The following FER variants were observed in gnomAD, a reference collection of about 807,000 sequenced individuals.
FER encodes the protein tyrosine-protein kinase Fer.
In FER, 63 loss-of-function variants were observed where a neutral mutation model predicts 111.0. That is an observed-to-expected ratio of 0.57 (90% CI 0.46 to 0.70). FER has a LOEUF of 0.70. Ranked by LOEUF, FER falls within the 30% of genes least tolerant of loss-of-function variation. The pLI, the probability that FER is intolerant of heterozygous loss-of-function variation, is 0.00. For missense variants in FER, 914 were observed against 954.0 expected (o/e 0.96, Z 0.55); for synonymous variants, 327 against 313.9 (o/e 1.04, Z -0.44).
chr5:108,831,310 C>T lies in FER; in HGVS notation c.208-1460C>T, dbSNP rs189579674. Reference sequence around the variant, plus strand: ...TCTACACATGCCATAGAATATTTCTCCAACACTGCATAGTTTGAAGTGAAA... The same window carrying T: ...TCTACACATGCCATAGAATATTTCTTCAACACTGCATAGTTTGAAGTGAAA... On this transcript the variant is annotated intron_variant, in intron 3 of 19. Coordinates refer to ENST00000281092, the MANE Select transcript of FER (RefSeq NM_005246.4). Among the ~76,000 whole-genome samples, 316 of 151,992 alleles carry T rather than the reference C, an allele frequency of 2.1e-3. 4 individuals carry two copies. The highest frequency in any genetic ancestry group is 7.0e-3 in the African/African-American group (292 of 41,462).
At chr5:109,084,599 AT>A (rs150689060) in intron 16 of FER, among the ~76,000 whole-genome samples, 16,045 of 151,916 alleles carry the variant, frequency 0.11, 839 homozygotes, top group Non-Finnish European at 0.12. Flanking sequence ...CTTTAAAAAA[AT>A]ATTTTTGGAT....
chr5:108,907,131 A>G (rs770780802), intron 10 of FER, among the ~76,000 whole-genome samples: 2 of 152,202 alleles, frequency 1.3e-5, no homozygotes, highest in African/African-American at 2.4e-5. Context: ...AAAACAATAT[A>G]CAGCTCCAGA....
chr5:108,932,143 G>A (rs1483290630), intron 10 of FER, among the ~76,000 whole-genome samples: 1 of 151,944 alleles, frequency 6.6e-6, no homozygotes, highest in Non-Finnish European at 1.5e-5. Flanking sequence ...TCTACATTAG[G>A]TATTTCTCCT....
chr5:108,779,587 A>G (rs1753832620), intron 2 of FER, among the ~76,000 whole-genome samples: 1 of 152,276 alleles, frequency 6.6e-6, no homozygotes, highest in Middle Eastern at 3.4e-3. Flanking sequence ...TTCAAATTGT[A>G]CTTGTTCATT....
chr5:108,969,532 T>A (rs974071609), intron 13 of FER, among the ~76,000 whole-genome samples: 5 of 152,092 alleles, frequency 3.3e-5, no homozygotes, highest in Non-Finnish European at 7.4e-5. Context: ...AATAACAGAT[T>A]ACATGTTTGG....
At chr5:108,779,320 A>C (rs7728920) in intron 2 of FER, among the ~76,000 whole-genome samples, 36,338 of 152,004 alleles carry the variant, frequency 0.24, 4,606 homozygotes, top group African/African-American at 0.32. Context: ...TTACTGATCT[A>C]CACAAAATAA....
At chr5:109,012,985 C>T (rs1415219931) in intron 13 of FER, among the ~76,000 whole-genome samples, 6 of 148,152 alleles carry the variant, frequency 4.0e-5, no homozygotes, top group African/African-American at 1.3e-4. Context: ...ACGTGTGGAG[C>T]GGAATTACCT....
In FER at chr5:109,100,650, A is replaced by G. The variant is rs1582029854; in HGVS notation, c.2048+131A>G. 5 of 905,908 alleles carry G rather than the reference A, an allele frequency of 5.5e-6. No individual in the cohort carries two copies. In the East Asian group the frequency reaches 1.3e-4, roughly 24 times the overall value. 56.1% of individuals were successfully genotyped at this position (905,908 alleles called of 1,614,324 possible). ...TTCTTGTTTTCTGTATTTTGTGTGA[A>G]AGTGTCCTCTGCTAGTTGTTTATAT... On this transcript the variant is annotated intron_variant, in intron 17 of 19. Transcript: ENST00000281092.
chr5:108,992,731 C>T (rs1284980387), intron 13 of FER, among the ~76,000 whole-genome samples: 1 of 151,950 alleles, frequency 6.6e-6, no homozygotes, highest in African/African-American at 2.4e-5. Flanking sequence ...AGACGCTCCT[C>T]ACTTCCCAGA....
chr5:108,951,574 T>C (rs1051761425), intron 11 of FER, among the ~76,000 whole-genome samples: 4 of 152,228 alleles, frequency 2.6e-5, no homozygotes, highest in South Asian at 2.1e-4. Flanking sequence ...TGTTAATAAC[T>C]AAATTTACAT....
At chr5:109,015,759 T>A (rs770467250) in intron 13 of FER, among the ~76,000 whole-genome samples, 3 of 152,110 alleles carry the variant, frequency 2.0e-5, no homozygotes, top group Non-Finnish European at 4.4e-5. Flanking sequence ...TTTCTTAGTG[T>A]AAATTAAGCC....
At chr5:108,937,969 G>C (rs1755714701) in intron 10 of FER, among the ~76,000 whole-genome samples, 1 of 150,306 alleles carries the variant, frequency 6.7e-6, no homozygotes, top group Non-Finnish European at 1.5e-5. Context: ...TCTTTCTTCT[G>C]CTCTTTCCTT....
intron 11 of FER, among the ~76,000 whole-genome samples, chr5:108,950,151 G>T (rs192699404): frequency 6.6e-6 from 1 of 152,082 alleles, no homozygotes; most frequent in Non-Finnish European, 1.5e-5. Context: ...GTACAAAAAG[G>T]CCAGGAAATG....
At chr5:108,805,174 A>G (rs576358929) in intron 3 of FER, among the ~76,000 whole-genome samples, 2 of 152,078 alleles carry the variant, frequency 1.3e-5, no homozygotes. Flanking sequence ...TGTTCTCGTG[A>G]TAGTGAATGA....
intron 13 of FER, among the ~76,000 whole-genome samples, chr5:108,988,665 T>C (rs868241905): frequency 5.9e-5 from 9 of 152,146 alleles, no homozygotes; most frequent in African/African-American, 2.2e-4. Context: ...CTTATTTGGA[T>C]CTTCTTTCTT....
At position 109,091,326 on chromosome 5, in the gene FER, C is replaced by T. The variant is rs375481422; in HGVS notation, c.1925-9070C>T. Among the ~76,000 whole-genome samples, 6 of 152,186 alleles carry T rather than the reference C, an allele frequency of 3.9e-5. No homozygotes were observed. The East Asian group carries it at 7.7e-4, about 20-fold the overall frequency. On this transcript the variant is annotated intron_variant, in intron 16 of 19. Transcript: ENST00000281092. Reference sequence around the variant, plus strand: ...ATCCTGGTGTAGTGTTCCTTGGTCACCCCAGATATGGCTCCTGTGGGCCCA... The same window carrying T: ...ATCCTGGTGTAGTGTTCCTTGGTCATCCCAGATATGGCTCCTGTGGGCCCA...
At chr5:109,173,468 C>T (rs1582385993) in intron 17 of FER, among the ~76,000 whole-genome samples, 1 of 152,228 alleles carries the variant, frequency 6.6e-6, no homozygotes. Flanking sequence ...AGAATAAATA[C>T]AGCAGGGCTT....
In FER at chr5:108,896,162, CT is replaced by C. The variant is rs573033735; in HGVS notation, c.1047-1487del. Among the ~76,000 whole-genome samples, 1,048 of 148,084 alleles carry C rather than the reference CT, an allele frequency of 7.1e-3. 7 individuals carry two copies. The highest frequency in any genetic ancestry group is 0.024 in the African/African-American group (974 of 40,574). On this transcript the variant is annotated intron_variant, in intron 9 of 19. Coordinates refer to ENST00000281092, the MANE Select transcript of FER (RefSeq NM_005246.4). ...CTTATATTGTTGTCATTGTTGGAGT[CT>C]TTTTTTTTTCTTGGTAGCTAGGAGA...
chr5:108,984,468 A>C (rs914460055), intron 13 of FER, among the ~76,000 whole-genome samples: 1 of 152,174 alleles, frequency 6.6e-6, no homozygotes, highest in Non-Finnish European at 1.5e-5. Flanking sequence ...GGATCATCAA[A>C]GCATATTTGA....
Sources: gnomAD v4.1 joint callset for allele counts (sites outside exome capture counted in the v4.1 genomes callset) on GRCh38, gnomAD v4.1.1 for gene constraint, MANE v1.5 for transcripts, NCBI Gene and HGNC (gene_info 2026-07-23, HGNC 2026-07-21) for gene names.